Variants in PCDHA5 observed in about 807,000 individuals in gnomAD.
The protein encoded by PCDHA5 is protocadherin alpha-5.
In PCDHA5, 43 loss-of-function variants were observed where a neutral mutation model predicts 61.6. The observed-to-expected ratio is 0.70, with a 90% confidence interval of 0.55 to 0.90. The LOEUF is 0.90. Ranked by LOEUF, PCDHA5 falls within the 40% of genes least tolerant of loss-of-function variation. The probability of loss-of-function intolerance (pLI) is 0.00; values close to 1 mark genes in which losing one functional copy is unlikely to be tolerated. For synonymous variants in PCDHA5, 627 were observed against 543.9 expected, an observed-to-expected ratio of 1.15 and a Z score of -2.13; for missense variants, 1,298 against 1,222.7, an observed-to-expected ratio of 1.06 and a Z score of -0.92.
chr5:140,828,609 G>A, intron 1 of PCDHA5: 1 of 1,614,194 alleles, frequency 6.2e-7, no homozygotes, highest in South Asian at 1.1e-5. Flanking sequence ...TATAAACTCA[G>A]TTCTAGCGAA....
At chr5:140,933,501 G>A (rs1320553451) in intron 1 of PCDHA5, among the ~76,000 whole-genome samples, 2 of 151,978 alleles carry the variant, frequency 1.3e-5, no homozygotes, top group Non-Finnish European at 2.9e-5. Flanking sequence ...GAATTGTTAA[G>A]CAAAGACTAC....
rs782441014 is a variant in PCDHA5 at position 140,870,020 on chromosome 5, C to T, written c.2352+45893C>T. On this transcript the variant is annotated intron_variant, in intron 1 of 3. Transcript: ENST00000529859. ...AATGGAGAAGTGAGGGTCAATGGAACTTTAGATTATGAAGAAAACAAGTTT... is the reference window on the plus strand; with the variant it reads ...AATGGAGAAGTGAGGGTCAATGGAATTTTAGATTATGAAGAAAACAAGTTT... The T allele has an allele frequency of 1.9e-6, 3 of 1,613,394 alleles. No individual in the cohort carries two copies. The highest frequency in any genetic ancestry group is 2.7e-5 in the African/African-American group (2 of 74,862).
chr5:140,882,555 G>A (rs1554174539), intron 1 of PCDHA5: 1 of 1,614,272 alleles, frequency 6.2e-7, no homozygotes, highest in Admixed American at 1.7e-5. Flanking sequence ...GAGGAGCTGT[G>A]TGGGCGGAGC....
intron 1 of PCDHA5, among the ~76,000 whole-genome samples, chr5:140,914,423 G>T (rs1293093692): frequency 3.3e-5 from 5 of 152,086 alleles, no homozygotes; most frequent in African/African-American, 1.2e-4. Context: ...CCATTAGCAA[G>T]GAATATCTTT....
At chr5:140,965,670 G>A (rs2095922284) in intron 1 of PCDHA5, among the ~76,000 whole-genome samples, 1 of 152,144 alleles carries the variant, frequency 6.6e-6, no homozygotes, top group Non-Finnish European at 1.5e-5. Flanking sequence ...GGTGATAAAT[G>A]TAAAAGATTT....
Position 141,010,344 on chromosome 5 carries a change from G to C in PCDHA5, c.*407G>C. ...CAGCTTGGGAGTTTGTGGCCACTGG[G>C]TATGTGTGGCTACCGCGGGTATGCG... is the stretch of plus-strand genomic sequence containing the variant. On this transcript the variant is annotated 3_prime_UTR_variant, in exon 4 of 4. Transcript: ENST00000529859. 1 of 1,518,888 alleles carries C rather than the reference G, an allele frequency of 6.6e-7. No homozygotes were observed. Among genetic ancestry groups the C allele is most frequent in the Non-Finnish European group, 8.8e-7 (1 of 1,132,764 alleles). The allele number at this position is 1,518,888 out of a possible 1,614,324, so 94.1% of individuals were successfully genotyped here.
At chr5:140,871,662 A>G in intron 1 of PCDHA5, 1 of 1,211,512 alleles carries the variant, frequency 8.3e-7, no homozygotes, top group Non-Finnish European at 1.1e-6. Context: ...ACACATCTTC[A>G]GTCTTTTAAT....
chr5:140,996,524 C>A (rs1303736536), intron 3 of PCDHA5, among the ~76,000 whole-genome samples: 3 of 152,048 alleles, frequency 2.0e-5, no homozygotes, highest in African/African-American at 7.2e-5. Flanking sequence ...TTAGAAAGGC[C>A]CTGTGTGTTT....
chr5:140,921,587 A>G (rs970982898), intron 1 of PCDHA5, among the ~76,000 whole-genome samples: 2 of 152,228 alleles, frequency 1.3e-5, no homozygotes, highest in Non-Finnish European at 2.9e-5. Context: ...ATACTATATT[A>G]TGGTTTCAAA....
chr5:140,875,918 A>T, intron 1 of PCDHA5: 1 of 1,613,782 alleles, frequency 6.2e-7, no homozygotes, highest in Non-Finnish European at 8.5e-7. Flanking sequence ...GCGCCTCTGG[A>T]CTCTCATTTT....
intron 1 of PCDHA5, chr5:140,928,467 A>G (rs782319281): frequency 6.2e-7 from 1 of 1,614,142 alleles, no homozygotes; most frequent in South Asian, 1.1e-5. Flanking sequence ...ATTTCCAAGT[A>G]GAAGGCCGGG....
At chr5:140,950,549 G>A (rs1023288540) in intron 1 of PCDHA5, among the ~76,000 whole-genome samples, 1 of 151,948 alleles carries the variant, frequency 6.6e-6, no homozygotes, top group African/African-American at 2.4e-5. Context: ...TGCATGGCTG[G>A]GGGGACACTT....
At chr5:140,931,021 G>C (rs2153606770) in intron 1 of PCDHA5, among the ~76,000 whole-genome samples, 1 of 152,272 alleles carries the variant, frequency 6.6e-6, no homozygotes, top group Admixed American at 6.5e-5. Flanking sequence ...GGAATTTTCT[G>C]ATTGTAGAGC....
chr5:140,886,087 A>G (rs944362157), intron 1 of PCDHA5, among the ~76,000 whole-genome samples: 2 of 152,324 alleles, frequency 1.3e-5, no homozygotes, highest in Admixed American at 6.5e-5. Flanking sequence ...CAACCTGGAT[A>G]TTGACATTGA....
At chr5:140,958,294 A>G (rs1324756311) in intron 1 of PCDHA5, among the ~76,000 whole-genome samples, 1 of 152,142 alleles carries the variant, frequency 6.6e-6, no homozygotes, top group African/African-American at 2.4e-5. Context: ...ATATTATTGA[A>G]CTTAATTAAA....
intron 3 of PCDHA5, among the ~76,000 whole-genome samples, chr5:140,986,734 C>T (rs2153854061): frequency 6.6e-6 from 1 of 152,260 alleles, no homozygotes; most frequent in Non-Finnish European, 1.5e-5. Context: ...TCTCAAGACC[C>T]CAGGGGATCT....
chr5:140,841,687 G>A (rs2150320921), intron 1 of PCDHA5: 1 of 1,613,966 alleles, frequency 6.2e-7, no homozygotes, highest in South Asian at 1.1e-5. Context: ...TGGACGTGGA[G>A]GTGAAGGATG....
intron 3 of PCDHA5, among the ~76,000 whole-genome samples, chr5:141,004,826 G>A (rs2098183640): frequency 6.6e-6 from 1 of 152,112 alleles, no homozygotes; most frequent in East Asian, 1.9e-4. Flanking sequence ...GATTAACTTA[G>A]ATAGATCAAA....
At chr5:140,967,221 A>G (rs1198233262) in intron 1 of PCDHA5, 3 of 1,613,620 alleles carry the variant, frequency 1.9e-6, no homozygotes, top group African/African-American at 1.3e-5. Context: ...CCGCGGCCCA[A>G]CTACCAGCTT....
Sources: gnomAD v4.1 joint callset for allele counts (sites outside exome capture counted in the v4.1 genomes callset) on GRCh38, gnomAD v4.1.1 for gene constraint, MANE v1.5 for transcripts, NCBI Gene and HGNC (gene_info 2026-07-23, HGNC 2026-07-21) for gene names.